INPP1: variants seen among roughly 807,000 people sequenced by gnomAD.
INPP1 encodes inositol polyphosphate-1-phosphatase.
A neutral mutation model predicts 23.0 loss-of-function variants in INPP1; 18 were observed. The ratio of observed to expected loss-of-function variants is 0.78; its 90% CI spans 0.54 to 1.16. The LOEUF (loss-of-function observed/expected upper bound fraction) is 1.16, where lower values mean the gene tolerates loss of function less well. Ranked by LOEUF, INPP1 falls within the 50% of genes most tolerant of loss-of-function variation. INPP1 has a pLI of 0.00. For missense variants in INPP1, 448 were observed against 482.1 expected (o/e 0.93, Z 0.66); for synonymous variants, 164 against 176.3 (o/e 0.93, Z 0.55).
chr2:190,351,038 C>T (rs1030085814), intron 2 of INPP1, among the ~76,000 whole-genome samples: 3 of 152,196 alleles, frequency 2.0e-5, no homozygotes, highest in Non-Finnish European at 4.4e-5. Flanking sequence ...AACAGTGTGA[C>T]AAGGATGAAT....
chr2:190,358,072 ATTTTTTTTTTTT>A (rs749071988), intron 2 of INPP1, among the ~76,000 whole-genome samples: 1 of 111,400 alleles, frequency 9.0e-6, no homozygotes, highest in African/African-American at 3.6e-5. Flanking sequence ...CATTAAGGGA[ATTTTTTTTTTTT>A]TTTTTTTTTT....
rs1456107853 is a variant in INPP1 at position 190,346,025 on chromosome 2, AT to A, written c.-209+2065del. ...TAAAAATTAAGTTAAAATTAAAAAA[AT>A]AAAAGTTCTGCTTCCCGTCTCCTGT... On this transcript the variant is annotated intron_variant, in intron 1 of 6. Transcript: ENST00000392329. The surrounding 1 kb of genome is among the most constrained non-coding windows in gnomAD (Gnocchi z 5.1). Among the ~76,000 whole-genome samples, 8 of 152,208 alleles carry A rather than the reference AT, an allele frequency of 5.3e-5. No homozygotes were observed. The highest frequency in any genetic ancestry group is 1.2e-4 in the Non-Finnish European group (8 of 68,026).
intron 4 of INPP1, among the ~76,000 whole-genome samples, chr2:190,364,949 C>A (rs1161145805): frequency 6.6e-6 from 1 of 152,026 alleles, no homozygotes; most frequent in African/African-American, 2.4e-5. Flanking sequence ...ATAGACACTG[C>A]TGGTCCTTGG....
At chr2:190,359,978 A>C in intron 2 of INPP1, 61 bp from the exon 3 acceptor site, 1 of 918,108 alleles carries the variant, frequency 1.1e-6, no homozygotes, top group Non-Finnish European at 1.7e-6. Context: ...TAGTAGTGCC[A>C]GAGGCACCCT....
chr2:190,359,429 C>T (rs1689488247), intron 2 of INPP1, among the ~76,000 whole-genome samples: 1 of 151,842 alleles, frequency 6.6e-6, no homozygotes, highest in South Asian at 2.1e-4. Flanking sequence ...TGGTGGTGGG[C>T]GCCTGTAGTC....
rs971394373 is a variant in INPP1, at chr2:190,355,193, A to G, written c.-64-4846A>G. Among the ~76,000 whole-genome samples the G allele has an allele frequency of 3.3e-5, 5 of 152,162 alleles. No homozygotes were observed. The highest frequency in any genetic ancestry group is 7.4e-5 in the Non-Finnish European group (5 of 68,024). On this transcript the variant is annotated intron_variant, in intron 2 of 6. Transcript: ENST00000392329. The surrounding 1 kb of genome is among the most constrained non-coding windows in gnomAD (Gnocchi z 5.1). Reference sequence around the variant, plus strand: ...TTGTGCCTCAGGTTCTTCATCTGTAAAATGGAGATAATAGTACCTACTTCC... The same window carrying G: ...TTGTGCCTCAGGTTCTTCATCTGTAGAATGGAGATAATAGTACCTACTTCC...
At chr2:190,350,746 A>G (rs1689309481) in intron 2 of INPP1, among the ~76,000 whole-genome samples, 1 of 152,250 alleles carries the variant, frequency 6.6e-6, no homozygotes, top group African/African-American at 2.4e-5. Context: ...TTAGGGTTAA[A>G]TAAAAGATTC....
In INPP1 at chr2:190,356,902, G is replaced by A. The variant is rs1575786508; in HGVS notation, c.-64-3137G>A. The A allele has an allele frequency of 6.6e-6, 1 of 152,084 alleles. No individual in the cohort carries two copies. 9.4% of individuals were successfully genotyped at this position (152,084 alleles called of 1,614,324 possible). The stretch of plus-strand genomic sequence containing the variant: ...GAAATAAAAATTAAGGTTACTGAAT[G>A]TATACTTTTGTGGCCATGTATTATA... On this transcript the variant is annotated intron_variant, in intron 2 of 6. Coordinates refer to ENST00000392329, the MANE Select transcript of INPP1 (RefSeq NM_001128928.2). This position sits in a 1 kb window ranked among gnomAD's most constrained non-coding sequence, Gnocchi z 6.4.
intron 4 of INPP1, 102 bp from the exon 5 acceptor site, chr2:190,366,593 C>A (rs1689680442): frequency 1.2e-6 from 1 of 841,948 alleles, no homozygotes; most frequent in Admixed American, 1.9e-5. Context: ...CTGTCTCTCT[C>A]TCTCGCTCTC....
chr2:190,349,797 G>A (rs1230917645), intron 2 of INPP1, among the ~76,000 whole-genome samples: 1 of 152,174 alleles, frequency 6.6e-6, no homozygotes, highest in African/African-American at 2.4e-5. Context: ...TTCCAACTAT[G>A]GAAAAGGGAG....
intron 1 of INPP1, among the ~76,000 whole-genome samples, chr2:190,344,547 C>T (rs1337749085): frequency 1.3e-5 from 2 of 152,186 alleles, no homozygotes; most frequent in African/African-American, 2.4e-5. Flanking sequence ...TGTTAATTCT[C>T]TCTGCATTTT....
intron 6 of INPP1, among the ~76,000 whole-genome samples, chr2:190,370,214 C>T (rs1200607035): frequency 2.6e-5 from 4 of 152,028 alleles, no homozygotes; most frequent in African/African-American, 9.7e-5. Flanking sequence ...CAGATTCTAC[C>T]ACTTTCTAGC....
intron 3 of INPP1, among the ~76,000 whole-genome samples, chr2:190,361,223 T>G (rs532186159): frequency 1.3e-5 from 2 of 152,372 alleles, no homozygotes; most frequent in East Asian, 3.8e-4. Context: ...ACAGGCAGAC[T>G]GGCTCCAGAG....
Position 190,371,491 on chromosome 2 carries a change from G to T in INPP1, c.*89G>T. The T allele has an allele frequency of 1.0e-6, 1 of 979,554 alleles. No homozygotes were observed. The highest frequency in any genetic ancestry group is 1.4e-6 in the Non-Finnish European group (1 of 692,300). The allele number at this position is 979,554 out of a possible 1,614,324, so 60.7% of individuals were successfully genotyped here. A position where few individuals can be genotyped will look rare whatever the true frequency, so the allele number is the denominator to read the frequency against. On this transcript the variant is annotated 3_prime_UTR_variant, in exon 7 of 7. Transcript: ENST00000392329. This position sits in a 1 kb window ranked among gnomAD's most constrained non-coding sequence, Gnocchi z 5.3. ...CTTTTGAGGATGGCTTTGTCCTGTT[G>T]CTGGTTAACATTCACCTTCCTCTTT... is the stretch of plus-strand genomic sequence containing the variant.
At chr2:190,347,481 A>C (rs924703587) in intron 1 of INPP1, among the ~76,000 whole-genome samples, 1 of 152,040 alleles carries the variant, frequency 6.6e-6, no homozygotes, top group Non-Finnish European at 1.5e-5. Context: ...AAAATGTCAG[A>C]ATTTATTTTC....
Position 190,367,300 on chromosome 2 carries a change from T to A in INPP1, c.466+405T>A, listed in dbSNP as rs151200120. On this transcript the variant is annotated intron_variant, in intron 5 of 6. Transcript: ENST00000392329. The surrounding 1 kb of genome is among the most constrained non-coding windows in gnomAD (Gnocchi z 4.1). ...ACTTAGCTTTAGCAGATTGTTACCA[T>A]ATGGGAGTACAGGCCAGCTCTTCAG... 6.6e-6 allele frequency among the ~76,000 whole-genome samples: 1 copy of A among 152,248 alleles called. No homozygotes were observed. The highest frequency in any genetic ancestry group is 2.4e-5 in the African/African-American group (1 of 41,540).
At position 190,367,649 on chromosome 2, in the gene INPP1, T is replaced by C. The variant is rs1689707305; in HGVS notation, c.466+754T>C. 1.3e-5 allele frequency among the ~76,000 whole-genome samples: 2 copies of C among 152,128 alleles called. No individual in the cohort carries two copies. Among genetic ancestry groups the C allele is most frequent in the South Asian group, 4.1e-4 (2 of 4,828 alleles). ...TCACTGCAGCCTTGTCCTCCTGAGC[T>C]CAAGCAATCCTCCTATCTCAGCTTC... is the stretch of plus-strand genomic sequence containing the variant. On this transcript the variant is annotated intron_variant, in intron 5 of 6. Transcript: ENST00000392329. The surrounding 1 kb of genome is among the most constrained non-coding windows in gnomAD (Gnocchi z 4.1).
intron 2 of INPP1, 38 bp from the exon 3 acceptor site, chr2:190,360,001 T>C (rs764690647): frequency 4.1e-6 from 5 of 1,228,184 alleles, no homozygotes; most frequent in Non-Finnish European, 5.8e-6. Context: ...CATCACTCTC[T>C]GAACTGCTTT....
At position 190,367,962 on chromosome 2, in the gene INPP1, T is replaced by G. The variant is rs1689715453; in HGVS notation, c.466+1067T>G. Reference sequence around the variant, plus strand: ...TTTTTTTCTTCCCCACCCAACACAATGGGACCATTCAAGGACCAGGCAAAC... The same window carrying G: ...TTTTTTTCTTCCCCACCCAACACAAGGGGACCATTCAAGGACCAGGCAAAC... On this transcript the variant is annotated intron_variant, in intron 5 of 6. Transcript: ENST00000392329. This position sits in a 1 kb window ranked among gnomAD's most constrained non-coding sequence, Gnocchi z 4.1. Among the ~76,000 whole-genome samples the G allele has an allele frequency of 6.6e-6, 1 of 152,086 alleles. No homozygotes were observed. Among genetic ancestry groups the G allele is most frequent in the Non-Finnish European group, 1.5e-5 (1 of 68,012 alleles).
Sources: allele counts gnomAD v4.1 joint callset (sites outside exome capture counted in the v4.1 genomes callset), GRCh38; gene constraint gnomAD v4.1.1; non-coding constraint Gnocchi (gnomAD v3.1); transcripts MANE v1.5; gene names NCBI Gene and HGNC (gene_info 2026-07-23, HGNC 2026-07-21).